Variants in ROBO2 observed in about 807,000 individuals in gnomAD.
ROBO2 encodes the protein roundabout guidance receptor 2.
Under a neutral mutation model 160.8 loss-of-function variants are expected in ROBO2, and 53 were observed. That is an observed-to-expected ratio of 0.33 (90% CI 0.26 to 0.41). The LOEUF is 0.41. Ranked by LOEUF, ROBO2 falls within the 10% of genes least tolerant of loss-of-function variation. The pLI is 1.00. For missense variants in ROBO2, 1,577 were observed against 1,722.4 expected (o/e 0.92, Z 1.49); for synonymous variants, 664 against 611.7 (o/e 1.09, Z -1.26).
At chr3:75,968,799 G>T (rs2064890286) in intron 2 of ROBO2, among the ~76,000 whole-genome samples, 1 of 112,910 alleles carries the variant, frequency 8.9e-6, no homozygotes, top group African/African-American at 3.1e-5. Context: ...GCTTGTTTTA[G>T]ATAGTACATA....
chr3:76,735,268 G>A lies in ROBO2; in HGVS notation c.110-362746G>A, dbSNP rs1296808577. On this transcript the variant is annotated intron_variant, in intron 2 of 26. Transcript: ENST00000487694. ...ATACCACCAAGCCAAACAAAAGAAT[G>A]AAATCATGTCCTTTGCAGAAACATG... Among the ~76,000 whole-genome samples, 4 of 152,134 alleles carry A rather than the reference G, an allele frequency of 2.6e-5. No homozygotes were observed. The East Asian group carries it at 7.7e-4, about 29-fold the overall frequency.
At chr3:76,232,662 A>C (rs2107476819) in intron 2 of ROBO2, among the ~76,000 whole-genome samples, 1 of 152,284 alleles carries the variant, frequency 6.6e-6, no homozygotes, top group South Asian at 2.1e-4. Context: ...TTCCATCTTA[A>C]CAGTTGATGC....
At chr3:76,727,293 A>G (rs1397353715) in intron 2 of ROBO2, among the ~76,000 whole-genome samples, 2 of 152,180 alleles carry the variant, frequency 1.3e-5, no homozygotes, top group African/African-American at 4.8e-5. Flanking sequence ...TAAGTAAGGA[A>G]ATATAACAAA....
chr3:77,325,227 C>T (rs148024227), intron 2 of ROBO2, among the ~76,000 whole-genome samples: 119 of 152,246 alleles, frequency 7.8e-4, no homozygotes, highest in African/African-American at 2.7e-3. Context: ...GTTGTGCCTA[C>T]AGAGGAAAGA....
intron 2 of ROBO2, among the ~76,000 whole-genome samples, chr3:76,947,145 G>A (rs150072491): frequency 1.3e-5 from 2 of 151,822 alleles, no homozygotes; most frequent in South Asian, 2.1e-4. Context: ...TACTTAACTC[G>A]TTTTCCACAA....
intron 2 of ROBO2, among the ~76,000 whole-genome samples, chr3:76,940,191 C>T (rs1227121047): frequency 6.6e-6 from 1 of 152,020 alleles, no homozygotes; most frequent in Admixed American, 6.6e-5. Flanking sequence ...ACCGTGTTAG[C>T]CAGGATGGTC....
intron 2 of ROBO2, among the ~76,000 whole-genome samples, chr3:76,804,632 A>T (rs1282429129): frequency 6.6e-6 from 1 of 152,216 alleles, no homozygotes; most frequent in African/African-American, 2.4e-5. Context: ...CTTGCCAATT[A>T]TTAGCTTCGC....
chr3:77,551,787 T>C (rs1011181038), intron 8 of ROBO2, among the ~76,000 whole-genome samples: 2 of 152,070 alleles, frequency 1.3e-5, no homozygotes, highest in African/African-American at 2.4e-5. Flanking sequence ...GTCTGTGGTG[T>C]CTTCTTGATC....
chr3:76,258,283 T>C (rs1706530981), intron 2 of ROBO2, among the ~76,000 whole-genome samples: 1 of 152,092 alleles, frequency 6.6e-6, no homozygotes, highest in African/African-American at 2.4e-5. Context: ...ACATTAATGC[T>C]TATTCTAAGT....
chr3:76,714,878 C>T (rs2093354820), intron 2 of ROBO2, among the ~76,000 whole-genome samples: 1 of 152,106 alleles, frequency 6.6e-6, no homozygotes, highest in Admixed American at 6.5e-5. Flanking sequence ...GTCTGTTTTT[C>T]TTGTTAGTGC....
At chr3:76,014,311 C>T (rs1417262582) in intron 2 of ROBO2, among the ~76,000 whole-genome samples, 1 of 137,180 alleles carries the variant, frequency 7.3e-6, no homozygotes, top group Non-Finnish European at 1.6e-5. Flanking sequence ...GTGGCTTATG[C>T]GTGTAATCCC....
intron 2 of ROBO2, among the ~76,000 whole-genome samples, chr3:77,339,398 C>G (rs1189751343): frequency 6.6e-6 from 1 of 152,052 alleles, no homozygotes; most frequent in Non-Finnish European, 1.5e-5. Flanking sequence ...AAATATTTTT[C>G]ACCATCTTCT....
chr3:75,937,574 G>C, exon 2 of ROBO2: 1 of 1,562,848 alleles, frequency 6.4e-7, no homozygotes, highest in Non-Finnish European at 8.6e-7. Context: ...TGGTGTTTTG[G>C]GGTCATCAGG....
At chr3:76,534,582 G>A (rs1489002209) in intron 2 of ROBO2, among the ~76,000 whole-genome samples, 1 of 152,094 alleles carries the variant, frequency 6.6e-6, no homozygotes, top group African/African-American at 2.4e-5. Context: ...ATTAAGCTGA[G>A]GCTGGCAAAG....
chr3:76,395,532 A>C (rs999894742), intron 2 of ROBO2, among the ~76,000 whole-genome samples: 1 of 148,330 alleles, frequency 6.7e-6, no homozygotes, highest in African/African-American at 2.5e-5. Flanking sequence ...TGAATCCAGG[A>C]GCTGGTTTTT....
chr3:76,882,451 G>A (rs901496186), intron 2 of ROBO2, among the ~76,000 whole-genome samples: 2 of 151,770 alleles, frequency 1.3e-5, no homozygotes, highest in African/African-American at 2.4e-5. Context: ...TTCAGGACTC[G>A]GTCACTCCCC....
intron 6 of ROBO2, among the ~76,000 whole-genome samples, chr3:77,532,500 C>T (rs2091816765): frequency 6.6e-6 from 1 of 151,790 alleles, no homozygotes; most frequent in Non-Finnish European, 1.5e-5. Flanking sequence ...TCTGTTTTAT[C>T]TTTGAATTTT....
chr3:77,287,390 C>G (rs1474708157), intron 2 of ROBO2, among the ~76,000 whole-genome samples: 2 of 152,056 alleles, frequency 1.3e-5, no homozygotes, highest in Non-Finnish European at 2.9e-5. Flanking sequence ...TTATAACCCC[C>G]TATTCTTTGT....
intron 2 of ROBO2, among the ~76,000 whole-genome samples, chr3:77,336,514 CTTTT>C (rs532539144): frequency 4.8e-5 from 7 of 145,936 alleles, no homozygotes; most frequent in Admixed American, 4.2e-4. Flanking sequence ...CTTCCTCTTT[CTTTT>C]TTTTTTTCTT....
Sources: gnomAD v4.1 joint callset for allele counts (sites outside exome capture counted in the v4.1 genomes callset) on GRCh38, gnomAD v4.1.1 for gene constraint, MANE v1.5 for transcripts, NCBI Gene and HGNC (gene_info 2026-07-23, HGNC 2026-07-21) for gene names.